The following ZDHHC13 variants were observed in gnomAD, a reference collection of about 807,000 sequenced individuals.
ZDHHC13 encodes the protein zDHHC palmitoyltransferase 13.
A neutral mutation model predicts 86.0 loss-of-function variants in ZDHHC13; 85 were observed. That is an observed-to-expected ratio of 0.99 (90% CI 0.83 to 1.18). The LOEUF (loss-of-function observed/expected upper bound fraction) is 1.18, where lower values mean the gene tolerates loss of function less well. Ranked by LOEUF, ZDHHC13 falls within the 50% of genes most tolerant of loss-of-function variation. ZDHHC13 has a pLI of 0.00. For missense variants in ZDHHC13, 711 were observed against 730.2 expected (o/e 0.97, Z 0.30); for synonymous variants, 263 against 246.4 (o/e 1.07, Z -0.63).
intron 10 of ZDHHC13, among the ~76,000 whole-genome samples, chr11:19,160,145 A>G (rs1437174603): frequency 6.6e-6 from 1 of 152,046 alleles, no homozygotes; most frequent in Non-Finnish European, 1.5e-5. Flanking sequence ...TTCTCAAAGT[A>G]CATATGTCCA....
chr11:19,172,830 A>AC lies in ZDHHC13; in HGVS notation c.1730+12dup. On this transcript the variant is annotated intron_variant, in intron 16 of 16. Coordinates refer to ENST00000446113, the MANE Select transcript of ZDHHC13 (RefSeq NM_019028.3). ...GGAAGACACCATACAAGTAAGCGAGACCTGTTTTGGATGCTGAGTCCTGTG... is the reference window on the plus strand; with the variant it reads ...GGAAGACACCATACAAGTAAGCGAGACCCTGTTTTGGATGCTGAGTCCTGTG... 6.3e-7 allele frequency: 1 copy of AC among 1,586,840 alleles called. No individual in the cohort carries two copies.
chr11:19,132,010 C>G (rs138687638), intron 1 of ZDHHC13, among the ~76,000 whole-genome samples: 7 of 152,328 alleles, frequency 4.6e-5, no homozygotes, highest in African/African-American at 1.4e-4. Flanking sequence ...AATACTTATA[C>G]ATACTTATAT....
At chr11:19,153,662 G>T (rs1590081147) in intron 8 of ZDHHC13, among the ~76,000 whole-genome samples, 1 of 151,974 alleles carries the variant, frequency 6.6e-6, no homozygotes, top group Admixed American at 6.6e-5. Context: ...TTCCCTAAAT[G>T]CCATCTATAT....
intron 11 of ZDHHC13, among the ~76,000 whole-genome samples, chr11:19,163,678 A>T (rs902145410): frequency 1.3e-5 from 2 of 152,102 alleles, no homozygotes; most frequent in African/African-American, 4.8e-5. Flanking sequence ...TAGGAATATG[A>T]TCTCCTACTT....
At chr11:19,175,798 T>G in intron 16 of ZDHHC13, 24 bp from the exon 17 acceptor site, 1 of 1,605,894 alleles carries the variant, frequency 6.2e-7, no homozygotes, top group Non-Finnish European at 8.5e-7. Flanking sequence ...GTAAGACATG[T>G]TCTCTTTTTT....
intron 1 of ZDHHC13, among the ~76,000 whole-genome samples, chr11:19,140,643 A>T (rs1012451339): frequency 6.6e-6 from 1 of 152,140 alleles, no homozygotes; most frequent in Non-Finnish European, 1.5e-5. Flanking sequence ...ATTATTCACA[A>T]TAGTGAAGAC....
intron 1 of ZDHHC13, among the ~76,000 whole-genome samples, chr11:19,137,900 G>A (rs373796612): frequency 1.3e-4 from 20 of 150,890 alleles, no homozygotes; most frequent in South Asian, 4.3e-4. Context: ...TCTCTGGGAC[G>A]CATTCAAAGC....
chr11:19,119,435 G>A lies in ZDHHC13; in HGVS notation c.27+2159G>A, dbSNP rs116320390. Among the ~76,000 whole-genome samples, 541 of 152,216 alleles carry A rather than the reference G, an allele frequency of 3.6e-3. 1 individual carries two copies. Among genetic ancestry groups the A allele is most frequent in the African/African-American group, 0.012 (511 of 41,502 alleles). On this transcript the variant is annotated intron_variant, in intron 1 of 16. Transcript: ENST00000446113. ...TCATCTTTTACTGTCTTGCTTGCCC[G>A]GTCATCCCCAGCCACACCAGCCTCA...
chr11:19,169,971 T>C, intron 14 of ZDHHC13: 3 of 996,866 alleles, frequency 3.0e-6, no homozygotes, highest in Non-Finnish European at 3.6e-6. Context: ...ATCTAGGTGC[T>C]TGTGGGATAT....
In ZDHHC13 at chr11:19,169,371, C is replaced by T. The variant is rs1417695220; in HGVS notation, c.1475-1040C>T. 3 of 985,246 alleles carry T rather than the reference C, an allele frequency of 3.0e-6. No individual in the cohort carries two copies. The African/African-American group carries it at 5.2e-5, about 17-fold the overall frequency. 61.0% of individuals were successfully genotyped at this position (985,246 alleles called of 1,614,324 possible). On this transcript the variant is annotated intron_variant, in intron 14 of 16. Transcript: ENST00000446113. ...CTCTGTGATGATTGCTCTTAGAATG[C>T]TTCTGGCATATATTCATGAAAGATG... is the stretch of plus-strand genomic sequence containing the variant.
intron 1 of ZDHHC13, among the ~76,000 whole-genome samples, chr11:19,137,671 A>G (rs574354440): frequency 6.6e-6 from 1 of 152,346 alleles, no homozygotes; most frequent in East Asian, 1.9e-4. Context: ...TTGGAAGTAA[A>G]GCTCTCCTCA....
rs778433790 is a variant in ZDHHC13 at position 19,175,859 on chromosome 11, T to C, written c.1768T>C (p.Cys590Arg). 3 of 1,613,768 alleles carry C rather than the reference T, an allele frequency of 1.9e-6. No individual in the cohort carries two copies. Among genetic ancestry groups the C allele is most frequent in the South Asian group, 2.2e-5 (2 of 91,032 alleles). Residue 590 changes from cysteine (C) to arginine (R), a missense_variant, in exon 17 of 17, where the codon TGT becomes CGT. By Grantham distance (180) the Cys-to-Arg change is radical. Coordinates refer to ENST00000446113, the MANE Select transcript of ZDHHC13 (RefSeq NM_019028.3). ...FMQNLADFFQ[C>R]GCFGLVKPCV... ...GCAGAACCTGGCAGATTTCTTTCAG[T>C]GTGGCTGCTTTGGCTTGGTGAAGCC... is the stretch of plus-strand genomic sequence containing the variant.
chr11:19,137,266 C>T (rs1282743184), intron 1 of ZDHHC13, among the ~76,000 whole-genome samples: 2 of 151,906 alleles, frequency 1.3e-5, no homozygotes. Context: ...GGGTTGCAAT[C>T]CTAGTCTCTG....
chr11:19,146,806 T>C (rs901045594), intron 3 of ZDHHC13, among the ~76,000 whole-genome samples: 1 of 152,182 alleles, frequency 6.6e-6, no homozygotes, highest in African/African-American at 2.4e-5. Context: ...CAGCTTAACA[T>C]GTAAAATGTA....
chr11:19,152,475 A>G (rs893468913), intron 7 of ZDHHC13, 84 bp from the exon 8 acceptor site: 12 of 1,463,990 alleles, frequency 8.2e-6, no homozygotes, highest in East Asian at 2.5e-5. Context: ...TGTTGAGTCT[A>G]TGATTCTGGT....
At position 19,164,380 on chromosome 11, in the gene ZDHHC13, A is replaced by G. The variant is rs1279221441; in HGVS notation, c.1296+17A>G. 3.7e-6 allele frequency: 6 copies of G among 1,610,420 alleles called. No homozygotes were observed. Among genetic ancestry groups the G allele is most frequent in the Middle Eastern group, 3.3e-4 (2 of 6,040 alleles). ...TCATGTCTTGTGAGTTTTTTCATAT[A>G]ATTTTTTTCCGTAGTGAAAGCAAAG... On this transcript the variant is annotated intron_variant, in intron 12 of 16. Coordinates refer to ENST00000446113, the MANE Select transcript of ZDHHC13 (RefSeq NM_019028.3).
chr11:19,170,645 C>A, intron 15 of ZDHHC13, 77 bp downstream of exon 15: 1 of 1,339,802 alleles, frequency 7.5e-7, no homozygotes, highest in Non-Finnish European at 1.0e-6. Flanking sequence ...AATTTAAAAT[C>A]AGAAGATGCA....
At chr11:19,162,563 C>T (rs1423477949) in intron 10 of ZDHHC13, among the ~76,000 whole-genome samples, 1 of 152,102 alleles carries the variant, frequency 6.6e-6, no homozygotes, top group Non-Finnish European at 1.5e-5. Flanking sequence ...CAGTGAACCA[C>T]ACAGGCAAGA....
intron 14 of ZDHHC13, chr11:19,169,988 C>A (rs891077141): frequency 1.0e-6 from 1 of 998,770 alleles, no homozygotes; most frequent in Non-Finnish European, 1.2e-6. Context: ...ATATCTTGTG[C>A]CCACAGCAAT....
Sources: gnomAD v4.1 joint callset for allele counts (sites outside exome capture counted in the v4.1 genomes callset) on GRCh38, gnomAD v4.1.1 for gene constraint, MANE v1.5 for transcripts, NCBI Gene and HGNC (gene_info 2026-07-23, HGNC 2026-07-21) for gene names.